Variants in POU2AF2 observed in about 807,000 individuals in gnomAD.
POU2AF2 encodes the protein POU domain class 2-associating factor 2.
chr11:111,284,219 A>G, the POU2AF2 span: 3 of 1,614,152 alleles, frequency 1.9e-6, no homozygotes, highest in Non-Finnish European at 2.5e-6. Flanking sequence ...CGCAGGGCAG[A>G]GCCATGCGGC....
At chr11:111,281,542 T>A in the POU2AF2 span, 2 of 1,074,026 alleles carry the variant, frequency 1.9e-6, no homozygotes. Flanking sequence ...TCCAAAACTC[T>A]GCTCCTTTAA....
the POU2AF2 span, among the ~76,000 whole-genome samples, chr11:111,261,952 C>T: frequency 6.6e-6 from 1 of 152,176 alleles, no homozygotes; most frequent in Non-Finnish European, 1.5e-5. Flanking sequence ...TTTTTACATG[C>T]TCTACATATA....
chr11:111,282,865 T>C, the POU2AF2 span, among the ~76,000 whole-genome samples: 2 of 152,220 alleles, frequency 1.3e-5, no homozygotes, highest in Non-Finnish European at 2.9e-5. Context: ...CCATCAGTTT[T>C]ATAGACCTCA....
chr11:111,279,249 A>T, the POU2AF2 span, among the ~76,000 whole-genome samples: 1 of 152,088 alleles, frequency 6.6e-6, no homozygotes, highest in African/African-American at 2.4e-5. Flanking sequence ...TGCCCGCATC[A>T]CCCCATCTTT....
At chr11:111,257,421 G>A in the POU2AF2 span, among the ~76,000 whole-genome samples, 1 of 150,408 alleles carries the variant, frequency 6.6e-6, no homozygotes, top group Non-Finnish European at 1.5e-5. Flanking sequence ...GTGCAGTGGC[G>A]CAATCTCGGC....
chr11:111,260,844 C>G, the POU2AF2 span, among the ~76,000 whole-genome samples: 2 of 152,188 alleles, frequency 1.3e-5, no homozygotes, highest in Admixed American at 1.3e-4. Flanking sequence ...AAAACTATGT[C>G]CCCCGCCGGA....
At chr11:111,264,548 G>GA in the POU2AF2 span, among the ~76,000 whole-genome samples, 9 of 65,194 alleles carry the variant, frequency 1.4e-4, no homozygotes, top group African/African-American at 4.9e-4. Flanking sequence ...AAGAAAGAAA[G>GA]AAAGAAAGAA....
At chr11:111,270,679 C>T in the POU2AF2 span, among the ~76,000 whole-genome samples, 1,712 of 152,114 alleles carry the variant, frequency 0.011, 23 homozygotes, top group African/African-American at 0.039. Flanking sequence ...ACCTGCCAGC[C>T]GCCTCTCATA....
At chr11:111,251,558 A>G in the POU2AF2 span, among the ~76,000 whole-genome samples, 1 of 152,134 alleles carries the variant, frequency 6.6e-6, no homozygotes. Context: ...ATTCCTTACC[A>G]CTGCACACAT....
At chr11:111,255,243 C>T in the POU2AF2 span, among the ~76,000 whole-genome samples, 1 of 152,122 alleles carries the variant, frequency 6.6e-6, no homozygotes, top group Non-Finnish European at 1.5e-5. Flanking sequence ...AGCTGTGAGA[C>T]CTTGCAAATA....
At chr11:111,275,429 A>G in the POU2AF2 span, among the ~76,000 whole-genome samples, 5 of 152,344 alleles carry the variant, frequency 3.3e-5, 1 homozygote, top group South Asian at 1.0e-3. Context: ...CAGGTGTCCA[A>G]TTGGCTTTAC....
At chr11:111,256,126 G>A in the POU2AF2 span, 10 of 398,854 alleles carry the variant, frequency 2.5e-5, no homozygotes, top group East Asian at 3.6e-4. Context: ...TGAGGTGCTT[G>A]CAGGTTCTCT....
the POU2AF2 span, among the ~76,000 whole-genome samples, chr11:111,279,227 C>T: frequency 2.0e-5 from 3 of 152,218 alleles, no homozygotes; most frequent in African/African-American, 7.2e-5. Context: ...CCATTCTTGA[C>T]ACCAGTTTAG....
chr11:111,263,123 A>G, the POU2AF2 span, among the ~76,000 whole-genome samples: 1 of 152,234 alleles, frequency 6.6e-6, no homozygotes, highest in Admixed American at 6.5e-5. Context: ...TGTATGTTGG[A>G]TGTCTAGACT....
At chr11:111,280,997 T>C in the POU2AF2 span, among the ~76,000 whole-genome samples, 1 of 152,194 alleles carries the variant, frequency 6.6e-6, no homozygotes, top group Non-Finnish European at 1.5e-5. Flanking sequence ...TCAGGTGTGG[T>C]GCTATCCTCA....
the POU2AF2 span, among the ~76,000 whole-genome samples, chr11:111,254,224 A>C: frequency 6.6e-6 from 1 of 152,226 alleles, no homozygotes; most frequent in Non-Finnish European, 1.5e-5. Context: ...TCATAAGATC[A>C]GTAAGCTTTA....
chr11:111,248,046 A>G, the POU2AF2 span, among the ~76,000 whole-genome samples: 3 of 151,114 alleles, frequency 2.0e-5, no homozygotes, highest in Non-Finnish European at 3.0e-5. Context: ...ACCACGCCCA[A>G]CTGATTTTTT....
At chr11:111,278,126 C>A in the POU2AF2 span, among the ~76,000 whole-genome samples, 2,582 of 152,216 alleles carry the variant, frequency 0.017, 30 homozygotes, top group Middle Eastern at 0.034. Flanking sequence ...TTGAAGGAAC[C>A]AACAAATGCA....
the POU2AF2 span, among the ~76,000 whole-genome samples, chr11:111,273,676 A>G: frequency 6.6e-6 from 1 of 152,224 alleles, no homozygotes; most frequent in Non-Finnish European, 1.5e-5. Flanking sequence ...TATGTCCTTC[A>G]ACTAGGTTGG....
Sources: gnomAD v4.1 joint callset for allele counts (sites outside exome capture counted in the v4.1 genomes callset) on GRCh38, gnomAD v4.1.1 for gene constraint, MANE v1.5 for transcripts, NCBI Gene and HGNC (gene_info 2026-07-23, HGNC 2026-07-21) for gene names.